Variants in UGT8 observed in about 807,000 individuals in gnomAD.
The protein encoded by UGT8 is UDP glycosyltransferase 8, also known as 2-hydroxyacylsphingosine 1-beta-galactosyltransferase.
A neutral mutation model predicts 40.5 loss-of-function variants in UGT8; 12 were observed. The ratio of observed to expected loss-of-function variants is 0.30; its 90% CI spans 0.19 to 0.48. The LOEUF (loss-of-function observed/expected upper bound fraction) is 0.48, where lower values mean the gene tolerates loss of function less well. Among genes scored for constraint, UGT8 ranks in the 20% least tolerant of loss-of-function variants. UGT8 has a pLI of 0.99. For synonymous variants in UGT8, 224 were observed against 240.4 expected (o/e 0.93, Z 0.63); for missense variants, 513 against 648.7 (o/e 0.79, Z 2.27).
intron 5 of UGT8, among the ~76,000 whole-genome samples, chr4:114,671,807 A>G (rs778542477): frequency 5.3e-5 from 8 of 152,238 alleles, no homozygotes; most frequent in Non-Finnish European, 1.0e-4. Context: ...AGTTGCAACA[A>G]AAGCCAAAAT....
intron 2 of UGT8, among the ~76,000 whole-genome samples, chr4:114,626,515 G>C (rs60432569): frequency 0.065 from 9,838 of 152,222 alleles, 433 homozygotes; most frequent in East Asian, 0.14. Context: ...TTTTAAATAA[G>C]CTTTCACAAT....
At chr4:114,661,623 C>A (rs1734545098) in intron 2 of UGT8, among the ~76,000 whole-genome samples, 1 of 152,168 alleles carries the variant, frequency 6.6e-6, no homozygotes, top group African/African-American at 2.4e-5. Context: ...ACCAAATGTT[C>A]TGTGAATTTA....
rs1735732194 is a variant in UGT8 at position 114,677,552 on chromosome 4, GCTGA to G, written c.*1266_*1269del. 6.6e-6 allele frequency: 1 copy of G among 152,190 alleles called. No homozygotes were observed. Among genetic ancestry groups the G allele is most frequent in the Non-Finnish European group, 1.5e-5 (1 of 68,056 alleles). The allele number at this position is 152,190 out of a possible 1,614,324, so 9.4% of individuals were successfully genotyped here. A position where few individuals can be genotyped will look rare whatever the true frequency, so the allele number is the denominator to read the frequency against. On this transcript the variant is annotated 3_prime_UTR_variant, in exon 6 of 6. Transcript: ENST00000310836. Reference sequence around the variant, plus strand: ...CCAGCAGCCTTTTCCGGTCATTGTAGCTGACATGGAGCAGTGACAGTATTCATTT... The same window carrying G: ...CCAGCAGCCTTTTCCGGTCATTGTAGCATGGAGCAGTGACAGTATTCATTT...
intron 2 of UGT8, among the ~76,000 whole-genome samples, chr4:114,650,361 A>G (rs901963937): frequency 3.3e-5 from 5 of 152,180 alleles, no homozygotes; most frequent in African/African-American, 7.2e-5. Flanking sequence ...GAATTTTTGC[A>G]TGATTGGAAA....
chr4:114,605,177 G>A (rs1048569459), intron 1 of UGT8, among the ~76,000 whole-genome samples: 1 of 152,096 alleles, frequency 6.6e-6, no homozygotes, highest in Admixed American at 6.5e-5. Context: ...TGGTACCTTT[G>A]GTTTATGAAT....
intron 1 of UGT8, among the ~76,000 whole-genome samples, chr4:114,616,608 T>C (rs930911989): frequency 6.6e-6 from 1 of 152,044 alleles, no homozygotes; most frequent in Non-Finnish European, 1.5e-5. Context: ...CCCACTGTCC[T>C]GCACCCACTG....
intron 2 of UGT8, among the ~76,000 whole-genome samples, chr4:114,641,908 T>C (rs1733246892): frequency 6.6e-6 from 1 of 152,136 alleles, no homozygotes; most frequent in South Asian, 2.1e-4. Context: ...GTACTGAAAA[T>C]AAAATCAACG....
At chr4:114,605,028 T>C (rs1259005459) in intron 1 of UGT8, among the ~76,000 whole-genome samples, 1 of 152,168 alleles carries the variant, frequency 6.6e-6, no homozygotes, top group Non-Finnish European at 1.5e-5. Context: ...CCATGTTGTA[T>C]ATTCACCAAG....
intron 5 of UGT8, among the ~76,000 whole-genome samples, chr4:114,671,720 A>T (rs1289645519): frequency 6.6e-6 from 1 of 152,172 alleles, no homozygotes; most frequent in East Asian, 1.9e-4. Context: ...AACCATAAAA[A>T]CCCTAGAAGA....
chr4:114,621,567 A>C (rs1407033557), intron 1 of UGT8, among the ~76,000 whole-genome samples: 1 of 152,200 alleles, frequency 6.6e-6, no homozygotes, highest in African/African-American at 2.4e-5. Flanking sequence ...CCATTGAATT[A>C]AAATGATTTA....
intron 2 of UGT8, among the ~76,000 whole-genome samples, chr4:114,652,216 G>T (rs139283499): frequency 2.2e-4 from 33 of 152,106 alleles, no homozygotes; most frequent in Admixed American, 5.9e-4. Context: ...TCAATAGATG[G>T]AAGTACTTCT....
intron 1 of UGT8, among the ~76,000 whole-genome samples, chr4:114,601,202 T>C (rs1197990136): frequency 6.6e-6 from 1 of 152,224 alleles, no homozygotes; most frequent in Non-Finnish European, 1.5e-5. Context: ...TATGACAATT[T>C]TTTTGGATAA....
intron 2 of UGT8, among the ~76,000 whole-genome samples, chr4:114,637,060 A>G (rs1013474420): frequency 6.6e-6 from 1 of 152,200 alleles, no homozygotes; most frequent in South Asian, 2.1e-4. Context: ...AGTCAAAAGA[A>G]TCAATACCAG....
In UGT8 at chr4:114,623,261, G is replaced by A; in HGVS notation, c.381G>A (p.Leu127=). Reference sequence around the variant, plus strand: ...GCAACCATGCCCTGATCCAGGGTCTGAAGAAAGAAAAATTTGACCTGCTGC... The same window carrying A: ...GCAACCATGCCCTGATCCAGGGTCTAAAGAAAGAAAAATTTGACCTGCTGC... The part of the protein sequence containing the change: ...MVGNHALIQG[L]KKEKFDLLLV... Residue 127 remains leucine (L), a synonymous_variant, in exon 2 of 6, where the codon CTG becomes CTA. Coordinates refer to ENST00000310836, the MANE Select transcript of UGT8 (RefSeq NM_001128174.3). 6.2e-7 allele frequency: 1 copy of A among 1,614,184 alleles called. No homozygotes were observed. Among genetic ancestry groups the A allele is most frequent in the Non-Finnish European group, 8.5e-7 (1 of 1,180,038 alleles).
In UGT8 at chr4:114,623,351, AT is replaced by A. The variant is rs1731963865; in HGVS notation, c.475del (p.Ser159GlnfsTer16). On this transcript the variant is annotated frameshift_variant, in exon 2 of 6. Transcript: ENST00000310836. LOFTEE classifies it high-confidence loss of function. Reference protein sequence around the residue: ...AHLLGVKYAVFSTGLWYPAEV... With the variant: ...AHLLGVKYAVXSTGLWYPAEV... ...ATCTTTTAGGGGTTAAATATGCTGT[AT>A]TTTCAACTGGCCTTTGGTATCCTGC... 1 of 1,613,982 alleles carries A rather than the reference AT, an allele frequency of 6.2e-7. No individual in the cohort carries two copies. The highest frequency in any genetic ancestry group is 8.5e-7 in the Non-Finnish European group (1 of 1,180,016).
At chr4:114,636,885 G>A (rs1241927792) in intron 2 of UGT8, among the ~76,000 whole-genome samples, 2 of 152,028 alleles carry the variant, frequency 1.3e-5, no homozygotes, top group African/African-American at 4.8e-5. Context: ...AATTTAAACC[G>A]CTTTGTTTCT....
At chr4:114,617,255 A>G (rs1380608892) in intron 1 of UGT8, among the ~76,000 whole-genome samples, 2 of 152,192 alleles carry the variant, frequency 1.3e-5, no homozygotes, top group Non-Finnish European at 2.9e-5. Context: ...CTCCATCTCA[A>G]ACAAAACAAA....
rs1235409723 is a variant in UGT8, at chr4:114,621,456, G to GA, written c.-2-1417dup. On this transcript the variant is annotated intron_variant, in intron 1 of 5. Transcript: ENST00000310836. ...TATGTTAAAGATCATTTTTCCTCTGGAAAAAAGTCTTTTCTGCAGAATTAC... is the reference window on the plus strand; with the variant it reads ...TATGTTAAAGATCATTTTTCCTCTGGAAAAAAAGTCTTTTCTGCAGAATTAC... Among the ~76,000 whole-genome samples the GA allele has an allele frequency of 3.3e-5, 5 of 152,162 alleles. No homozygotes were observed. The East Asian group carries it at 7.7e-4, about 24-fold the overall frequency.
chr4:114,647,356 TTGTGTG>T (rs34575248), intron 2 of UGT8, among the ~76,000 whole-genome samples: 10 of 143,290 alleles, frequency 7.0e-5, no homozygotes, highest in Middle Eastern at 3.6e-3. Context: ...ATTAGCTCTT[TTGTGTG>T]TGTGTGTGTG....
Sources: gnomAD v4.1 joint callset for allele counts (sites outside exome capture counted in the v4.1 genomes callset) on GRCh38, gnomAD v4.1.1 for gene constraint, MANE v1.5 for transcripts, NCBI Gene and HGNC (gene_info 2026-07-23, HGNC 2026-07-21) for gene names.